CEP63: variants seen among roughly 807,000 people sequenced by gnomAD.
The protein encoded by CEP63 is centrosomal protein of 63 kDa.
A neutral mutation model predicts 89.1 loss-of-function variants in CEP63; 84 were observed. The ratio of observed to expected loss-of-function variants is 0.94; its 90% confidence interval spans 0.79 to 1.13. CEP63 has a LOEUF of 1.13. Among genes scored for constraint, CEP63 ranks in the 50% most tolerant of loss-of-function variants. The pLI is 0.00. For synonymous variants in CEP63, 267 were observed against 272.5 expected (o/e 0.98, Z 0.20); for missense variants, 838 against 813.3 (o/e 1.03, Z -0.37).
intron 2 of CEP63, among the ~76,000 whole-genome samples, chr3:134,499,863 G>A (rs1166920839): frequency 3.6e-5 from 4 of 112,044 alleles, no homozygotes; most frequent in African/African-American, 1.4e-4. Context: ...TCGCTCTGTT[G>A]CCCAGGCTGG....
chr3:134,559,932 A>G (rs1957043784), intron 14 of CEP63, among the ~76,000 whole-genome samples: 1 of 152,168 alleles, frequency 6.6e-6, no homozygotes, highest in Admixed American at 6.5e-5. Flanking sequence ...TGCTCCTTCC[A>G]TTGCTGGGCA....
rs753571958 is a variant in CEP63 at position 134,559,331 on chromosome 3, A to G, written c.1855A>G (p.Lys619Glu). Reference sequence around the variant, plus strand: ...GTCTTTGACTTCCTACTCTCTATGTAAAACTCATTCTTTGCCTTCAGCGCT... The same window carrying G: ...GTCTTTGACTTCCTACTCTCTATGTGAAACTCATTCTTTGCCTTCAGCGCT... ...TRSLTSYSLC[K>E]THSLPSALDT... Residue 619 changes from lysine to glutamate, a missense_variant, in exon 14 of 15, where the codon AAA becomes GAA. Lys to Glu is a moderately conservative substitution (Grantham distance 56). Transcript: ENST00000675561. 1.2e-6 allele frequency: 2 copies of G among 1,614,048 alleles called. No individual in the cohort carries two copies. The highest frequency in any genetic ancestry group is 1.3e-5 in the African/African-American group (1 of 74,942).
chr3:134,773,696 C>T, the CEP63 span, among the ~76,000 whole-genome samples: 2 of 152,236 alleles, frequency 1.3e-5, no homozygotes, highest in South Asian at 4.2e-4. Flanking sequence ...CCCACCCCCC[C>T]ACCTTCTCTG....
the CEP63 span, among the ~76,000 whole-genome samples, chr3:134,753,071 T>C: frequency 1.3e-5 from 2 of 151,634 alleles, no homozygotes; most frequent in African/African-American, 4.8e-5. Flanking sequence ...TGTTTTCATC[T>C]TTTTTTTTCT....
At chr3:134,653,131 G>A in the CEP63 span, among the ~76,000 whole-genome samples, 1 of 152,236 alleles carries the variant, frequency 6.6e-6, no homozygotes, top group African/African-American at 2.4e-5. Flanking sequence ...TCTGAAGACA[G>A]CTTCGGAGCA....
At chr3:134,761,585 G>A in the CEP63 span, among the ~76,000 whole-genome samples, 1 of 152,186 alleles carries the variant, frequency 6.6e-6, no homozygotes, top group African/African-American at 2.4e-5. Flanking sequence ...CAACAGCAAA[G>A]GCACTGCCTC....
At chr3:134,740,185 CT>C in the CEP63 span, among the ~76,000 whole-genome samples, 9 of 152,278 alleles carry the variant, frequency 5.9e-5, no homozygotes, top group South Asian at 1.9e-3. Context: ...CTTGCAGGGA[CT>C]GATATTTATC....
intron 6 of CEP63, 93 bp from the exon 7 acceptor site, chr3:134,545,493 G>C (rs1953087127): frequency 1.1e-5 from 10 of 940,440 alleles, no homozygotes; most frequent in Admixed American, 3.9e-5. Context: ...AATGCTTTAT[G>C]TTTTTATGGA....
chr3:134,630,961 A>G, the CEP63 span, among the ~76,000 whole-genome samples: 4 of 152,270 alleles, frequency 2.6e-5, no homozygotes, highest in African/African-American at 7.2e-5. Context: ...ATAGTTAAAA[A>G]TTCTCTGGAT....
chr3:134,631,101 A>G, the CEP63 span, among the ~76,000 whole-genome samples: 1 of 152,246 alleles, frequency 6.6e-6, no homozygotes, highest in South Asian at 2.1e-4. Context: ...TCAATACCCA[A>G]AAGTCTAACA....
the CEP63 span, among the ~76,000 whole-genome samples, chr3:134,689,587 G>A: frequency 6.6e-6 from 1 of 151,968 alleles, no homozygotes; most frequent in African/African-American, 2.4e-5. Flanking sequence ...AAATAGCTGG[G>A]ACTACAGGAG....
At chr3:134,651,539 C>G in the CEP63 span, 1 of 992,934 alleles carries the variant, frequency 1.0e-6, no homozygotes. Flanking sequence ...CTCGACCTCA[C>G]TCCTTCCCTG....
the CEP63 span, among the ~76,000 whole-genome samples, chr3:134,745,421 G>A: frequency 6.6e-6 from 1 of 152,130 alleles, no homozygotes; most frequent in African/African-American, 2.4e-5. Flanking sequence ...CATAAAGTCT[G>A]AACAATGTTG....
chr3:134,493,681 A>G (rs1938560175), intron 1 of CEP63, among the ~76,000 whole-genome samples: 1 of 152,076 alleles, frequency 6.6e-6, no homozygotes, highest in Non-Finnish European at 1.5e-5. Flanking sequence ...CACCCTGGGC[A>G]TGTCTCTCAC....
At chr3:134,683,516 T>G in the CEP63 span, among the ~76,000 whole-genome samples, 1 of 152,188 alleles carries the variant, frequency 6.6e-6, no homozygotes. Context: ...CATTCTTCTC[T>G]AAGGTTGAGA....
the CEP63 span, among the ~76,000 whole-genome samples, chr3:134,737,905 G>A: frequency 2.0e-5 from 3 of 152,026 alleles, no homozygotes; most frequent in African/African-American, 2.4e-5. Flanking sequence ...TTTCCCATGC[G>A]GTCTCTCAAG....
the CEP63 span, among the ~76,000 whole-genome samples, chr3:134,736,953 T>C: frequency 6.6e-6 from 1 of 152,128 alleles, no homozygotes; most frequent in Non-Finnish European, 1.5e-5. Context: ...GTTCTTGGTG[T>C]GGGGCAGAGC....
the CEP63 span, among the ~76,000 whole-genome samples, chr3:134,627,157 C>A: frequency 6.6e-6 from 1 of 152,138 alleles, no homozygotes; most frequent in Non-Finnish European, 1.5e-5. Context: ...TTAAATCTAC[C>A]TGTGAGGAGA....
the CEP63 span, among the ~76,000 whole-genome samples, chr3:134,731,067 A>G: frequency 6.6e-6 from 1 of 152,328 alleles, no homozygotes; most frequent in East Asian, 1.9e-4. Context: ...TACTAGAAAG[A>G]GATAATCATT....
Sources: gnomAD v4.1 joint callset for allele counts (sites outside exome capture counted in the v4.1 genomes callset) on GRCh38, gnomAD v4.1.1 for gene constraint, MANE v1.5 for transcripts, NCBI Gene and HGNC (gene_info 2026-07-23, HGNC 2026-07-21) for gene names.